Variants in PBX3 observed in about 807,000 individuals in gnomAD.
The protein encoded by PBX3 is PBX homeobox 3.
PBX3 carries 14 observed loss-of-function variants against 48.5 expected under a neutral mutation model. The observed-to-expected ratio is 0.29, with a 90% confidence interval of 0.19 to 0.45. The LOEUF (loss-of-function observed/expected upper bound fraction) is 0.45, where lower values mean the gene tolerates loss of function less well. Among genes scored for constraint, PBX3 ranks in the 20% least tolerant of loss-of-function variants. The pLI, the probability that PBX3 is intolerant of heterozygous loss-of-function variation, is 1.00. For missense variants in PBX3, 386 were observed against 546.7 expected (o/e 0.71, Z 2.93); for synonymous variants, 210 against 200.3 (o/e 1.05, Z -0.41).
At chr9:125,952,094 G>T (rs1425976624) in intron 5 of PBX3, among the ~76,000 whole-genome samples, 19 of 152,152 alleles carry the variant, frequency 1.2e-4, no homozygotes, top group Admixed American at 1.2e-3. Flanking sequence ...ATGCTGCCAT[G>T]TTCCATTATA....
intron 2 of PBX3, among the ~76,000 whole-genome samples, chr9:125,895,422 T>C (rs1192282050): frequency 6.6e-6 from 1 of 152,116 alleles, no homozygotes; most frequent in Non-Finnish European, 1.5e-5. Context: ...CCTAAGGATT[T>C]ATTATTCCAA....
chr9:125,782,487 A>G (rs1837348642), intron 2 of PBX3, among the ~76,000 whole-genome samples: 1 of 152,166 alleles, frequency 6.6e-6, no homozygotes, highest in Non-Finnish European at 1.5e-5. Context: ...CTTTTATATT[A>G]TTGTTACAAA....
chr9:125,882,521 G>A (rs1840406295), intron 2 of PBX3, among the ~76,000 whole-genome samples: 1 of 152,118 alleles, frequency 6.6e-6, no homozygotes, highest in Non-Finnish European at 1.5e-5. Context: ...TATTTGTAAA[G>A]AAGGCGCTAT....
chr9:125,935,697 A>G, intron 5 of PBX3, 90 bp downstream of exon 5: 1 of 1,193,568 alleles, frequency 8.4e-7, no homozygotes, highest in Non-Finnish European at 1.2e-6. Flanking sequence ...TTTCATATCC[A>G]AATGTTCTAT....
chr9:125,950,818 T>G (rs1479537394), intron 5 of PBX3, among the ~76,000 whole-genome samples: 3 of 152,014 alleles, frequency 2.0e-5, no homozygotes, highest in Non-Finnish European at 2.9e-5. Flanking sequence ...AGAAAAAAAA[T>G]TGTGTGGATT....
chr9:125,790,408 A>G (rs1837567576), intron 2 of PBX3, among the ~76,000 whole-genome samples: 1 of 151,562 alleles, frequency 6.6e-6, no homozygotes, highest in Non-Finnish European at 1.5e-5. Flanking sequence ...ATGCACCACC[A>G]CGCCTGGCTA....
chr9:125,779,249 T>A (rs1209190733), intron 2 of PBX3, among the ~76,000 whole-genome samples: 1 of 150,618 alleles, frequency 6.6e-6, no homozygotes, highest in Non-Finnish European at 1.5e-5. Flanking sequence ...TTGTTCCTTT[T>A]TTTTTTTTTT....
intron 5 of PBX3, among the ~76,000 whole-genome samples, chr9:125,941,579 A>T (rs1441743320): frequency 6.6e-6 from 1 of 152,188 alleles, no homozygotes; most frequent in African/African-American, 2.4e-5. Context: ...GGGTTTCCTG[A>T]TAGGTTGGAT....
chr9:125,932,195 TG>T (rs1265400894), intron 4 of PBX3, among the ~76,000 whole-genome samples: 1 of 152,218 alleles, frequency 6.6e-6, no homozygotes, highest in Non-Finnish European at 1.5e-5. Context: ...GAGCCCGGAA[TG>T]GAACCAGTGC....
intron 5 of PBX3, among the ~76,000 whole-genome samples, chr9:125,948,919 AC>A (rs1842128307): frequency 6.6e-6 from 1 of 152,122 alleles, no homozygotes; most frequent in African/African-American, 2.4e-5. Flanking sequence ...GACATGAGCC[AC>A]CATGCCTGGC....
At chr9:125,854,873 C>A (rs1054188711) in intron 2 of PBX3, among the ~76,000 whole-genome samples, 1 of 152,122 alleles carries the variant, frequency 6.6e-6, no homozygotes, top group Non-Finnish European at 1.5e-5. Context: ...AAACTAGTTA[C>A]TGGACTTTTC....
At chr9:125,839,459 A>C (rs1323294347) in intron 2 of PBX3, among the ~76,000 whole-genome samples, 2 of 152,204 alleles carry the variant, frequency 1.3e-5, no homozygotes, top group Admixed American at 1.3e-4. Context: ...CCAAAGAAAG[A>C]GGAAGGAAAC....
At chr9:125,848,674 A>G (rs181410195) in intron 2 of PBX3, among the ~76,000 whole-genome samples, 143 of 152,150 alleles carry the variant, frequency 9.4e-4, no homozygotes, top group Admixed American at 2.0e-3. Flanking sequence ...TGAAATTCTA[A>G]TTCGTTCAAA....
chr9:125,814,339 A>T (rs1838395243), intron 2 of PBX3, among the ~76,000 whole-genome samples: 1 of 151,296 alleles, frequency 6.6e-6, no homozygotes, highest in Non-Finnish European at 1.5e-5. Context: ...TGTTTGTTCC[A>T]TCTCTTTTTT....
intron 5 of PBX3, among the ~76,000 whole-genome samples, chr9:125,939,342 C>A (rs1047922701): frequency 6.6e-6 from 1 of 151,916 alleles, no homozygotes; most frequent in East Asian, 1.9e-4. Flanking sequence ...TAGAAATGGT[C>A]AATTGTATGA....
chr9:125,800,801 T>C (rs1229721816), intron 2 of PBX3, among the ~76,000 whole-genome samples: 1 of 149,770 alleles, frequency 6.7e-6, no homozygotes, highest in Non-Finnish European at 1.5e-5. Flanking sequence ...TGGCCCGAGC[T>C]GGAGTGCAAT....
intron 2 of PBX3, among the ~76,000 whole-genome samples, chr9:125,811,469 C>T (rs1838288395): frequency 6.6e-6 from 1 of 152,280 alleles, no homozygotes; most frequent in African/African-American, 2.4e-5. Context: ...AATGGGTTCT[C>T]ATGAGATCCG....
rs559411653 is a variant in PBX3, at chr9:125,786,944, C to T, written c.274+38321C>T. 4.6e-5 allele frequency among the ~76,000 whole-genome samples: 7 copies of T among 151,626 alleles called. No individual in the cohort carries two copies. In the South Asian group the frequency reaches 1.0e-3, roughly 23 times the overall value. Reference sequence around the variant, plus strand: ...TTCACCATGTTGGCCAGGCTGGTCTCGAACTCCTGACCTCAGGTCATCTGC... The same window carrying T: ...TTCACCATGTTGGCCAGGCTGGTCTTGAACTCCTGACCTCAGGTCATCTGC... On this transcript the variant is annotated intron_variant, in intron 2 of 8. Coordinates refer to ENST00000373489, the MANE Select transcript of PBX3 (RefSeq NM_006195.6).
chr9:125,835,925 G>A (rs1285080090), intron 2 of PBX3, among the ~76,000 whole-genome samples: 1 of 152,160 alleles, frequency 6.6e-6, no homozygotes, highest in African/African-American at 2.4e-5. Context: ...TATTCAAATA[G>A]CAAGATATAG....
Sources: allele counts gnomAD v4.1 joint callset (sites outside exome capture counted in the v4.1 genomes callset), GRCh38; gene constraint gnomAD v4.1.1; transcripts MANE v1.5; gene names NCBI Gene and HGNC (gene_info 2026-07-23, HGNC 2026-07-21).